The following ULK4 variants were observed in gnomAD, a reference collection of about 807,000 sequenced individuals.
The protein encoded by ULK4 is unc-51 like kinase 4.
A neutral mutation model predicts 160.6 loss-of-function variants in ULK4; 133 were observed. That is an observed-to-expected ratio of 0.83 (90% CI 0.72 to 0.96). The LOEUF is 0.96. Ranked by LOEUF, ULK4 falls within the 40% of genes least tolerant of loss-of-function variation. The probability of loss-of-function intolerance (pLI) is 0.00; values close to 1 mark genes in which losing one functional copy is unlikely to be tolerated. For missense variants in ULK4, 1,580 were observed against 1,499.5 expected, an observed-to-expected ratio of 1.05 and a Z score of -0.89; for synonymous variants, 534 against 539.8, an observed-to-expected ratio of 0.99 and a Z score of 0.15.
intron 31 of ULK4, among the ~76,000 whole-genome samples, chr3:41,574,179 CA>C (rs1216824371): frequency 4.6e-5 from 7 of 152,028 alleles, no homozygotes; most frequent in Non-Finnish European, 1.0e-4. Flanking sequence ...AACTCCGTCT[CA>C]AAAAAACAAA....
At chr3:41,956,976 C>A (rs1417090766) in intron 1 of ULK4, among the ~76,000 whole-genome samples, 1 of 152,180 alleles carries the variant, frequency 6.6e-6, no homozygotes, top group Non-Finnish European at 1.5e-5. Context: ...AGGACTTCAT[C>A]CTTCACCTAA....
intron 35 of ULK4, among the ~76,000 whole-genome samples, chr3:41,274,372 A>G (rs1559499327): frequency 6.6e-6 from 1 of 152,214 alleles, no homozygotes; most frequent in African/African-American, 2.4e-5. Flanking sequence ...AAGGCTCCAC[A>G]GTAACACAGA....
Position 41,877,593 on chromosome 3 carries a change from T to C in ULK4, c.1656+6281A>G, listed in dbSNP as rs867487684. 2.6e-5 allele frequency among the ~76,000 whole-genome samples: 4 copies of C among 152,220 alleles called. No individual in the cohort carries two copies. The South Asian group carries it at 6.2e-4, about 24-fold the overall frequency. ...CCACCCACCTCAGCTCCCAAAGTGC[T>C]GGTATTACAGGCATGAGCCACCGCC... is the stretch of plus-strand genomic sequence containing the variant. On this transcript the variant is annotated intron_variant, in intron 17 of 36. Transcript: ENST00000301831.
chr3:41,868,548 T>C (rs879711828), intron 17 of ULK4, among the ~76,000 whole-genome samples: 13 of 152,168 alleles, frequency 8.5e-5, no homozygotes, highest in Admixed American at 2.0e-4. Flanking sequence ...AGTGCAGTAG[T>C]GGGATCTCAG....
intron 32 of ULK4, among the ~76,000 whole-genome samples, chr3:41,533,973 A>G (rs2086406971): frequency 6.6e-6 from 1 of 151,956 alleles, no homozygotes. Context: ...ACGCCCGGCT[A>G]ATTTTTTGTA....
At chr3:41,492,466 C>T (rs1309370654) in intron 32 of ULK4, among the ~76,000 whole-genome samples, 1 of 151,050 alleles carries the variant, frequency 6.6e-6, no homozygotes, top group Non-Finnish European at 1.5e-5. Context: ...CCAGCCACTG[C>T]AAAATCATGC....
At chr3:41,305,870 C>G (rs1234519961) in intron 35 of ULK4, among the ~76,000 whole-genome samples, 4 of 143,422 alleles carry the variant, frequency 2.8e-5, no homozygotes, top group Admixed American at 1.4e-4. Context: ...CTCTGCCCCC[C>G]CGCCCCGTCT....
At chr3:41,929,732 T>C (rs2148820717) in intron 5 of ULK4, among the ~76,000 whole-genome samples, 1 of 152,138 alleles carries the variant, frequency 6.6e-6, no homozygotes, top group Non-Finnish European at 1.5e-5. Context: ...TGAACTCCCA[T>C]TCACAACTGC....
chr3:41,876,189 G>T (rs1697295999), intron 17 of ULK4, among the ~76,000 whole-genome samples: 2 of 152,014 alleles, frequency 1.3e-5, no homozygotes, highest in Non-Finnish European at 2.9e-5. Context: ...AAAAAAACAT[G>T]AGGAAAGAGA....
At chr3:41,374,154 C>CA (rs1319877258) in intron 35 of ULK4, among the ~76,000 whole-genome samples, 5 of 152,046 alleles carry the variant, frequency 3.3e-5, no homozygotes, top group African/African-American at 1.2e-4. Flanking sequence ...AACAGCATTC[C>CA]AAACAAAAAA....
chr3:41,618,159 G>C (rs1167795141), intron 30 of ULK4, among the ~76,000 whole-genome samples: 1 of 152,216 alleles, frequency 6.6e-6, no homozygotes, highest in East Asian at 1.9e-4. Flanking sequence ...TGGTATACCT[G>C]AAAGTGATAG....
intron 34 of ULK4, among the ~76,000 whole-genome samples, chr3:41,439,029 C>T (rs891885583): frequency 1.3e-5 from 2 of 148,884 alleles, no homozygotes; most frequent in Non-Finnish European, 3.0e-5. Flanking sequence ...TGTAATCGGA[C>T]TATCAATCCA....
intron 12 of ULK4, among the ~76,000 whole-genome samples, chr3:41,902,109 A>T (rs1698390728): frequency 6.6e-6 from 1 of 152,226 alleles, no homozygotes; most frequent in South Asian, 2.1e-4. Flanking sequence ...ACTTTAAAAG[A>T]AACAACGGCT....
chr3:41,669,694 T>C (rs891856028), intron 29 of ULK4, among the ~76,000 whole-genome samples: 1 of 152,196 alleles, frequency 6.6e-6, no homozygotes, highest in African/African-American at 2.4e-5. Context: ...GGGGAACTCC[T>C]AGATACTCAG....
chr3:41,694,073 A>C (rs747963487), intron 27 of ULK4, among the ~76,000 whole-genome samples: 39 of 152,214 alleles, frequency 2.6e-4, no homozygotes, highest in Non-Finnish European at 1.2e-4. Context: ...CAGTGAAGCA[A>C]TTCCATAACA....
intron 23 of ULK4, among the ~76,000 whole-genome samples, chr3:41,716,252 T>TAATAAC (rs2037263995): frequency 7.9e-6 from 1 of 127,132 alleles, no homozygotes; most frequent in Non-Finnish European, 1.7e-5. Flanking sequence ...ATAATAATAA[T>TAATAAC]AATAAGTGAA....
chr3:41,460,622 C>T (rs2083660542), intron 33 of ULK4, among the ~76,000 whole-genome samples: 1 of 152,044 alleles, frequency 6.6e-6, no homozygotes, highest in South Asian at 2.1e-4. Flanking sequence ...TAAATATGAA[C>T]TGAGTGCTCT....
At chr3:41,785,214 A>C (rs1199120088) in intron 21 of ULK4, among the ~76,000 whole-genome samples, 1 of 152,242 alleles carries the variant, frequency 6.6e-6, no homozygotes, top group East Asian at 1.9e-4. Flanking sequence ...AGGAAGAGTT[A>C]AATTATTGGT....
chr3:41,286,565 T>C (rs1249038937), intron 35 of ULK4, among the ~76,000 whole-genome samples: 1 of 151,984 alleles, frequency 6.6e-6, no homozygotes, highest in African/African-American at 2.4e-5. Flanking sequence ...AGGCACATGA[T>C]AAACGTAGAA....
Sources: allele counts gnomAD v4.1 joint callset (sites outside exome capture counted in the v4.1 genomes callset), GRCh38; gene constraint gnomAD v4.1.1; transcripts MANE v1.5; gene names NCBI Gene and HGNC (gene_info 2026-07-23, HGNC 2026-07-21).